Variants in MPZ observed in about 807,000 individuals in gnomAD.
MPZ encodes myelin protein zero.
MPZ carries 13 observed loss-of-function variants against 27.9 expected under a neutral mutation model. The observed-to-expected ratio is 0.47, with a 90% CI of 0.30 to 0.74. The LOEUF (loss-of-function observed/expected upper bound fraction) is 0.74. MPZ is among the 30% of genes least tolerant of loss of function. The probability of loss-of-function intolerance (pLI) is 0.06; values close to 1 mark genes in which losing one functional copy is unlikely to be tolerated. For missense variants in MPZ, 256 were observed against 317.5 expected (o/e 0.81, Z 1.47); for synonymous variants, 118 against 128.9 (o/e 0.92, Z 0.57).
chr1:161,307,264 G>C lies in MPZ; in HGVS notation c.228C>G (p.Ala76=). Residue 76 remains alanine, a synonymous_variant, in exon 2 of 6, where the codon GCC becomes GCG. Coordinates refer to ENST00000533357, the MANE Select transcript of MPZ (RefSeq NM_000530.8). ...WRYQPEGGRD[A]ISIFHYAKGQ... Reference sequence around the variant, plus strand: ...GATTCCCCCAGGCACTCACCGAAATGGCATCTCTGCCCCCTTCGGGCTGGT... The same window carrying C: ...GATTCCCCCAGGCACTCACCGAAATCGCATCTCTGCCCCCTTCGGGCTGGT... 1 of 1,614,236 alleles carries C rather than the reference G, an allele frequency of 6.2e-7. No individual in the cohort carries two copies. The highest frequency in any genetic ancestry group is 8.5e-7 in the Non-Finnish European group (1 of 1,180,046).
rs1328067434 is a variant in MPZ, at chr1:161,305,670, T to C, written c.*206A>G. The C allele has an allele frequency of 2.0e-6, 1 of 496,804 alleles. No individual in the cohort carries two copies. The highest frequency in any genetic ancestry group is 3.4e-6 in the Non-Finnish European group (1 of 291,348). The allele number at this position is 496,804 out of a possible 1,614,324, so 30.8% of individuals were successfully genotyped here. A position where few individuals can be genotyped will look rare whatever the true frequency, so the allele number is the denominator to read the frequency against. On this transcript the variant is annotated 3_prime_UTR_variant, in exon 6 of 6. Transcript: ENST00000533357. ...CCCCCTGCTCTGGCAGGGCCTGGGG[T>C]GGGGGGGTGGCGATCACTTGTCCGA...
chr1:161,309,599 C>T (rs1249755138), intron 1 of MPZ, among the ~76,000 whole-genome samples: 1 of 131,934 alleles, frequency 7.6e-6, no homozygotes, highest in African/African-American at 3.0e-5. Flanking sequence ...TTATGTTGTC[C>T]AGGCTGGTCT....
At position 161,305,904 on chromosome 1, in the gene MPZ, A is replaced by T; in HGVS notation, c.719T>A (p.Leu240Gln). 2.5e-6 allele frequency: 4 copies of T among 1,605,960 alleles called. No individual in the cohort carries two copies. The highest frequency in any genetic ancestry group is 3.4e-6 in the Non-Finnish European group (4 of 1,176,018). Residue 240 changes from leucine to glutamine, a missense_variant, in exon 6 of 6, where the codon CTG (leucine) becomes CAG (glutamine). By Grantham distance (113) the Leu-to-Gln change is moderately radical. This residue lies in a region of MPZ where 101 missense variants were observed against 93.6 expected (regional missense o/e 1.08). Coordinates refer to ENST00000533357, the MANE Select transcript of MPZ (RefSeq NM_000530.8). ...KAVSEKKAKG[L>Q]GESRKDKK ...TTTCTTATCCTTGCGAGACTCCCCC[A>T]GCCCCTTGGCCTTCTTCTCACTGAC...
At position 161,306,147 on chromosome 1, in the gene MPZ, C is replaced by T; in HGVS notation, c.606G>A (p.Leu202=). The T allele has an allele frequency of 1.2e-6, 2 of 1,614,224 alleles. No homozygotes were observed. Among genetic ancestry groups the T allele is most frequent in the East Asian group, 4.5e-5 (2 of 44,878 alleles). ...TCGACGCGTCCTTTCCTGGCTTGTG[C>T]AATTTCCCCTTCTCCATAGCACTGC... ...RRLSAMEKGK[L]HKPGKDASKR... The change falls in exon 5 of 6, where the codon TTG becomes TTA. Residue 202 remains leucine (L), a synonymous_variant. Coordinates refer to ENST00000533357, the MANE Select transcript of MPZ (RefSeq NM_000530.8).
rs1670241133 is a variant in MPZ, at chr1:161,306,311, C to G, written c.584+18G>C. On this transcript the variant is annotated intron_variant, in intron 4 of 5. Coordinates refer to ENST00000533357, the MANE Select transcript of MPZ (RefSeq NM_000530.8). ...GATAGTGGGGAGAGGGGGAGGGGAG[C>G]TAGGCTCCGCCCCTTACCTGAGCCT... 4 of 1,614,030 alleles carry G rather than the reference C, an allele frequency of 2.5e-6. No individual in the cohort carries two copies. In the African/African-American group the frequency reaches 4.0e-5, roughly 16 times the overall value.
chr1:161,309,802 A>G (rs1670358350), intron 1 of MPZ, 37 bp downstream of exon 1: 2 of 1,523,604 alleles, frequency 1.3e-6, no homozygotes, highest in South Asian at 2.4e-5. Flanking sequence ...GAGACACCTG[A>G]GTCCCAAGAC....
intron 3 of MPZ, 105 bp downstream of exon 3, chr1:161,306,603 A>G: frequency 6.5e-7 from 1 of 1,545,828 alleles, no homozygotes. Context: ...GAGCCTGAAT[A>G]AAGGTCCTTA....
intron 1 of MPZ, among the ~76,000 whole-genome samples, chr1:161,309,552 A>ATATTTTT: frequency 8.7e-5 from 7 of 80,662 alleles, no homozygotes; most frequent in African/African-American, 2.3e-4. Flanking sequence ...ATATATATAT[A>ATATTTTT]TTTTTTTTTT....
chr1:161,304,789 G>A lies in MPZ; in HGVS notation c.*1087C>T, dbSNP rs1670185266. On this transcript the variant is annotated 3_prime_UTR_variant, in exon 6 of 6. Transcript: ENST00000533357. ...TTAAGGACATTTGGAGGTTTGAGAA[G>A]AAATATACAGAATGTAGAAAAATCC... 2.0e-5 allele frequency: 3 copies of A among 152,738 alleles called. No homozygotes were observed. The highest frequency in any genetic ancestry group is 7.2e-5 in the African/African-American group (3 of 41,440). The allele number at this position is 152,738 out of a possible 1,614,324, so 9.5% of individuals were successfully genotyped here.
rs536830537 is a variant in MPZ, at chr1:161,306,784, C to T, written c.372G>A (p.Thr124=). Residue 124 remains threonine, a synonymous_variant, in exon 3 of 6, where the codon ACG becomes ACA. Transcript: ENST00000533357. ...IHNLDYSDNG[T]FTCDVKNPPD... ...GAGGGTTTTTGACGTCACAAGTGAA[C>T]GTGCCATTGTCACTGTAGTCTAGGT... The T allele has an allele frequency of 1.1e-5, 17 of 1,614,044 alleles. No homozygotes were observed. The highest frequency in any genetic ancestry group is 8.9e-5 in the East Asian group (4 of 44,870).
intron 2 of MPZ, 108 bp downstream of exon 2, chr1:161,307,150 G>A (rs926358216): frequency 8.4e-6 from 12 of 1,433,230 alleles, no homozygotes; most frequent in African/African-American, 1.4e-5. Context: ...GCCAAAGTTG[G>A]GGTTATGGCT....
At chr1:161,309,550 A>ATTTT (rs202225246) in intron 1 of MPZ, among the ~76,000 whole-genome samples, 2 of 82,444 alleles carry the variant, frequency 2.4e-5, no homozygotes, top group African/African-American at 1.1e-4. Context: ...ATATATATAT[A>ATTTT]TATTTTTTTT....
intron 3 of MPZ, 107 bp from the exon 4 acceptor site, chr1:161,306,571 C>A: frequency 6.4e-7 from 1 of 1,565,002 alleles, no homozygotes; most frequent in Admixed American, 1.7e-5. Flanking sequence ...CCAGCTAAAA[C>A]TGCCTTCTGC....
chr1:161,306,472 G>A lies in MPZ; in HGVS notation c.449-8C>T. ...CCCCGTACCTAGTTGGCACTAGGAG[G>A]GGTGGGAAAAGAAGTGGGAGAATGA... On this transcript the variant is annotated splice_region_variant and splice_polypyrimidine_tract_variant and intron_variant, in intron 3 of 5. Transcript: ENST00000533357. The A allele has an allele frequency of 6.2e-7, 1 of 1,614,206 alleles. No individual in the cohort carries two copies. Among genetic ancestry groups the A allele is most frequent in the South Asian group, 1.1e-5 (1 of 91,078 alleles).
At chr1:161,306,053 C>T (rs1011005299) in intron 5 of MPZ, 55 bp downstream of exon 5, 4 of 1,611,720 alleles carry the variant, frequency 2.5e-6, no homozygotes, top group African/African-American at 1.3e-5. Context: ...CACTGCTGCC[C>T]GGCGGCTCCC....
At chr1:161,309,552 A>ATATATATATTTTTTTTTTTTTTTT in intron 1 of MPZ, among the ~76,000 whole-genome samples, 1 of 80,666 alleles carries the variant, frequency 1.2e-5, no homozygotes, top group African/African-American at 5.8e-5. Flanking sequence ...ATATATATAT[A>ATATATATATTTTTTTTTTTTTTTT]TTTTTTTTTT....
intron 4 of MPZ, 25 bp downstream of exon 4, chr1:161,306,304 A>T (rs1396687797): frequency 1.9e-6 from 3 of 1,613,606 alleles, no homozygotes; most frequent in Non-Finnish European, 2.5e-6. Flanking sequence ...GGAGAGGGGG[A>T]GGGGAGCTAG....
downstream of MPZ, among the ~76,000 whole-genome samples, chr1:161,303,619 C>T (rs1480487179): frequency 1.3e-5 from 2 of 152,222 alleles, no homozygotes; most frequent in East Asian, 3.9e-4. Context: ...GCATTACAGG[C>T]ATGAGCCACC....
Position 161,305,850 on chromosome 1 carries a change from CGAT to C in MPZ, c.*23_*25del. The C allele has an allele frequency of 6.4e-7, 1 of 1,564,986 alleles. No homozygotes were observed. Among genetic ancestry groups the C allele is most frequent in the Non-Finnish European group, 8.8e-7 (1 of 1,139,544 alleles). ...TTTGGCGGACTCCACCCCTAACCCC[CGAT>C]CCCCCGCCCGGCCCGCTAACCGCTA... On this transcript the variant is annotated 3_prime_UTR_variant, in exon 6 of 6. Coordinates refer to ENST00000533357, the MANE Select transcript of MPZ (RefSeq NM_000530.8).
Sources: gnomAD v4.1 joint callset for allele counts (sites outside exome capture counted in the v4.1 genomes callset) on GRCh38, gnomAD v4.1.1 for gene constraint, gnomAD v4.1.1 regional missense constraint, MANE v1.5 for transcripts, NCBI Gene and HGNC (gene_info 2026-07-23, HGNC 2026-07-21) for gene names.